The following PGC variants were observed in gnomAD, a reference collection of about 807,000 sequenced individuals.
PGC encodes gastricsin.
Under a neutral mutation model 45.9 loss-of-function variants are expected in PGC, and 31 were observed. The observed-to-expected ratio is 0.67, with a 90% confidence interval of 0.51 to 0.91. PGC has a LOEUF of 0.91. Among genes scored for constraint, PGC ranks in the 40% least tolerant of loss-of-function variants. PGC has a pLI of 0.00. For synonymous variants in PGC, 192 were observed against 201.8 expected (o/e 0.95, Z 0.41); for missense variants, 477 against 493.2 (o/e 0.97, Z 0.31).
chr6:41,739,303 G>A lies in PGC; in HGVS notation c.915+496C>T, dbSNP rs571874145. Among the ~76,000 whole-genome samples the A allele has an allele frequency of 5.9e-5, 9 of 152,300 alleles. No homozygotes were observed. The East Asian group carries it at 1.5e-3, about 26-fold the overall frequency. On this transcript the variant is annotated intron_variant, in intron 7 of 8. Coordinates refer to ENST00000373025, the MANE Select transcript of PGC (RefSeq NM_002630.4). The stretch of plus-strand genomic sequence containing the variant: ...AACCTCCTTCTCCCCTTCAGCACAA[G>A]CAACTGGCCCCGCCTGAACAAGCCT...
chr6:41,746,693 A>T (rs1771935436), intron 1 of PGC, among the ~76,000 whole-genome samples: 1 of 152,206 alleles, frequency 6.6e-6, no homozygotes. Context: ...AGTTTCTGAG[A>T]GGAGCCAGCT....
chr6:41,741,395 C>A (rs550586251), intron 5 of PGC, among the ~76,000 whole-genome samples: 11 of 152,318 alleles, frequency 7.2e-5, no homozygotes, highest in African/African-American at 2.6e-4. Flanking sequence ...CCTGTAATCC[C>A]AACACTTTGG....
intron 5 of PGC, chr6:41,741,363 A>C (rs1771820349): frequency 1.3e-6 from 1 of 798,588 alleles, no homozygotes; most frequent in African/African-American, 1.8e-5. Context: ...TGGCTGCCTA[A>C]GGCCGGGCGC....
rs1771815852 is a variant in PGC at position 41,741,126 on chromosome 6, A to T, written c.648-516T>A. On this transcript the variant is annotated intron_variant, in intron 5 of 8. Coordinates refer to ENST00000373025, the MANE Select transcript of PGC (RefSeq NM_002630.4). Reference sequence around the variant, plus strand: ...GGCCCAGCTTGTTACTTTTCTGCTGAGATTGGAGACAGGTAGGGTCTTGGT... The same window carrying T: ...GGCCCAGCTTGTTACTTTTCTGCTGTGATTGGAGACAGGTAGGGTCTTGGT... 2.0e-6 allele frequency: 3 copies of T among 1,536,764 alleles called. No homozygotes were observed. The African/African-American group carries it at 4.1e-5, about 21-fold the overall frequency.
Position 41,738,190 on chromosome 6 carries a change from G to GCATATATATATATA in PGC, c.916-363_916-362insTATATATATATATG, listed in dbSNP as rs1561879782. Among the ~76,000 whole-genome samples, 3 of 10,250 alleles carry GCATATATATATATA rather than the reference G, an allele frequency of 2.9e-4. 1 individual carries two copies. The highest frequency in any genetic ancestry group is 6.4e-4 in the African/African-American group (3 of 4,682). 6.7% of individuals were successfully genotyped at this position (10,250 alleles called of 152,430 possible). A position where few individuals can be genotyped will look rare whatever the true frequency, so the allele number is the denominator to read the frequency against. On this transcript the variant is annotated intron_variant, in intron 7 of 8. Coordinates refer to ENST00000373025, the MANE Select transcript of PGC (RefSeq NM_002630.4). Reference sequence around the variant, plus strand: ...TGCATATATATATACATATATATATGCATATATATATGCATATATATATGC... The same window carrying GCATATATATATATA: ...TGCATATATATATACATATATATATGCATATATATATATACATATATATATGCATATATATATGC...
chr6:41,744,710 T>C lies in PGC; in HGVS notation c.158A>G (p.Lys53Arg), dbSNP rs374431553. 6.2e-7 allele frequency: 1 copy of C among 1,614,152 alleles called. No homozygotes were observed. The highest frequency in any genetic ancestry group is 1.1e-5 in the South Asian group (1 of 91,082). Residue 53 changes from lysine (K) to arginine (R), a missense_variant, in exon 2 of 9, where the codon AAG becomes AGG. Physicochemically the swap from Lys to Arg is conservative, Grantham distance 26. Transcript: ENST00000373025. This position sits in a 1 kb window ranked among gnomAD's most constrained non-coding sequence, Gnocchi z 4.4. ...LRTHKYDPAW[K>R]YRFGDLSVTY... ...CACGCTGAGGTCACCAAAGCGGTAC[T>C]TCCAAGCAGGATCATACTTGTGGGT... is the stretch of plus-strand genomic sequence containing the variant.
At chr6:41,740,358 G>A (rs1771798591) in intron 6 of PGC, 133 bp downstream of exon 6, 2 of 1,181,732 alleles carry the variant, frequency 1.7e-6, no homozygotes, top group Non-Finnish European at 2.3e-6. Flanking sequence ...GGACAGTTGT[G>A]GCTTTGTAGG....
At chr6:41,742,537 C>A (rs766843333) in intron 4 of PGC, 48 bp from the exon 5 acceptor site, 2 of 1,434,776 alleles carry the variant, frequency 1.4e-6, no homozygotes, top group African/African-American at 2.8e-5. Context: ...ACTCCACTCA[C>A]CTCCTCCAGG....
Position 41,736,858 on chromosome 6 carries a change from G to T in PGC, c.1161C>A (p.Ala387=), listed in dbSNP as rs1389999487. ...LGNNRVGFAT[A]A ...ACGTGTCGAGGCAGCAAGTCTAGGC[G>T]GCAGTGGCAAAGCCTACTCTGTTGT... Residue 387 remains alanine (A), a synonymous_variant, in exon 9 of 9, where the codon GCC becomes GCA. Coordinates refer to ENST00000373025, the MANE Select transcript of PGC (RefSeq NM_002630.4). 6.2e-7 allele frequency: 1 copy of T among 1,614,130 alleles called. No individual in the cohort carries two copies. Among genetic ancestry groups the T allele is most frequent in the Admixed American group, 1.7e-5 (1 of 60,020 alleles).
intron 1 of PGC, among the ~76,000 whole-genome samples, chr6:41,746,055 G>A (rs991825799): frequency 6.6e-5 from 10 of 151,890 alleles, no homozygotes; most frequent in African/African-American, 1.4e-4. Flanking sequence ...CTAGCTACTC[G>A]GGAGGCTGAG....
At chr6:41,747,176 G>T in intron 1 of PGC, 100 bp downstream of exon 1, 1 of 968,896 alleles carries the variant, frequency 1.0e-6, no homozygotes, top group Non-Finnish European at 1.7e-6. Flanking sequence ...AGAAGTCCCA[G>T]AGTAGAGACA....
chr6:41,743,260 T>A lies in PGC; in HGVS notation c.447+11A>T. Reference sequence around the variant, plus strand: ...TCACAGCCCCAGCCTCCACTCCCCATGCCCACTCACAGTCAGGGTGTCATA... The same window carrying A: ...TCACAGCCCCAGCCTCCACTCCCCAAGCCCACTCACAGTCAGGGTGTCATA... On this transcript the variant is annotated intron_variant, in intron 4 of 8. Coordinates refer to ENST00000373025, the MANE Select transcript of PGC (RefSeq NM_002630.4). 6.6e-7 allele frequency: 1 copy of A among 1,521,400 alleles called. No homozygotes were observed. The highest frequency in any genetic ancestry group is 9.1e-7 in the Non-Finnish European group (1 of 1,095,546). 94.2% of individuals were successfully genotyped at this position (1,521,400 alleles called of 1,614,324 possible). A position where few individuals can be genotyped will look rare whatever the true frequency, so the allele number is the denominator to read the frequency against.
chr6:41,744,835 G>A lies in PGC; in HGVS notation c.60-27C>T. On this transcript the variant is annotated intron_variant, in intron 1 of 8. Transcript: ENST00000373025. The surrounding 1 kb of genome is among the most constrained non-coding windows in gnomAD (Gnocchi z 4.4). ...TACAGAAAGGTTGCATATGAGGCAAGGCCCTCCCTCCTTCCTCTCTTCCCA... is the reference window on the plus strand; with the variant it reads ...TACAGAAAGGTTGCATATGAGGCAAAGCCCTCCCTCCTTCCTCTCTTCCCA... 6.2e-7 allele frequency: 1 copy of A among 1,605,302 alleles called. No individual in the cohort carries two copies. Among genetic ancestry groups the A allele is most frequent in the South Asian group, 1.1e-5 (1 of 89,912 alleles).
intron 5 of PGC, among the ~76,000 whole-genome samples, chr6:41,741,571 G>A (rs575068751): frequency 2.0e-5 from 3 of 152,288 alleles, no homozygotes; most frequent in Non-Finnish European, 2.9e-5. Flanking sequence ...GCTTGAATCC[G>A]GGAGGCAGAA....
rs1358437794 is a variant in PGC, at chr6:41,740,848, T to A, written c.648-238A>T. On this transcript the variant is annotated intron_variant, in intron 5 of 8. Coordinates refer to ENST00000373025, the MANE Select transcript of PGC (RefSeq NM_002630.4). ...TAGACTGGGCCTCCCTGAGGACGAGTCTGTGTCTCCCTCAGACTGGGGCTC... is the reference window on the plus strand; with the variant it reads ...TAGACTGGGCCTCCCTGAGGACGAGACTGTGTCTCCCTCAGACTGGGGCTC... The A allele has an allele frequency of 3.5e-6, 5 of 1,426,312 alleles. No homozygotes were observed. The African/African-American group carries it at 7.2e-5, about 21-fold the overall frequency. The allele number at this position is 1,426,312 out of a possible 1,614,324, so 88.4% of individuals were successfully genotyped here.
intron 1 of PGC, among the ~76,000 whole-genome samples, chr6:41,745,792 G>A (rs1217652911): frequency 3.3e-5 from 5 of 151,662 alleles, no homozygotes; most frequent in East Asian, 2.0e-4. Context: ...CAAATGATCC[G>A]CCCGCCTTGG....
intron 7 of PGC, among the ~76,000 whole-genome samples, chr6:41,739,517 C>T (rs1273567416): frequency 2.0e-5 from 3 of 152,012 alleles, no homozygotes; most frequent in Non-Finnish European, 4.4e-5. Flanking sequence ...CTCCTGGGCT[C>T]AAACAATCCT....
intron 1 of PGC, among the ~76,000 whole-genome samples, chr6:41,745,096 G>A (rs1372767625): frequency 1.3e-5 from 2 of 151,924 alleles, no homozygotes; most frequent in Non-Finnish European, 2.9e-5. Flanking sequence ...CTAAGATTCA[G>A]AAAACCATTC....
chr6:41,743,113 G>GA (rs1771862217), intron 4 of PGC, among the ~76,000 whole-genome samples, 158 bp downstream of exon 4: 1 of 152,208 alleles, frequency 6.6e-6, no homozygotes, highest in African/African-American at 2.4e-5. Context: ...GGCCACCAGT[G>GA]AGTGTTGGGG....
Sources: allele counts gnomAD v4.1 joint callset (sites outside exome capture counted in the v4.1 genomes callset), GRCh38; gene constraint gnomAD v4.1.1; non-coding constraint Gnocchi (gnomAD v3.1); transcripts MANE v1.5; gene names NCBI Gene and HGNC (gene_info 2026-07-23, HGNC 2026-07-21).